GRM8: variants seen among roughly 807,000 people sequenced by gnomAD.
GRM8 encodes metabotropic glutamate receptor 8.
Under a neutral mutation model 87.2 loss-of-function variants are expected in GRM8, and 47 were observed. The observed-to-expected ratio is 0.54, with a 90% CI of 0.43 to 0.69. The LOEUF is 0.69. Among genes scored for constraint, GRM8 ranks in the 30% least tolerant of loss-of-function variants. GRM8 has a pLI of 0.00. For missense variants in GRM8, 1,019 were observed against 1,139.2 expected, an observed-to-expected ratio of 0.89 and a Z score of 1.52; for synonymous variants, 396 against 404.5, an observed-to-expected ratio of 0.98 and a Z score of 0.25.
chr7:126,485,882 C>A (rs1401781543), intron 9 of GRM8, among the ~76,000 whole-genome samples: 1 of 151,916 alleles, frequency 6.6e-6, no homozygotes, highest in African/African-American at 2.4e-5. Flanking sequence ...TAATGATAAA[C>A]TAGAGATGAT....
At chr7:126,887,980 T>G (rs1800658967) in intron 6 of GRM8, among the ~76,000 whole-genome samples, 1 of 152,140 alleles carries the variant, frequency 6.6e-6, no homozygotes, top group East Asian at 1.9e-4. Context: ...AAGGAGGCTG[T>G]CCATGTATTG....
intron 7 of GRM8, among the ~76,000 whole-genome samples, chr7:126,700,581 T>C (rs1809817753): frequency 6.6e-6 from 1 of 152,142 alleles, no homozygotes; most frequent in Non-Finnish European, 1.5e-5. Context: ...TATTTTAAAG[T>C]TTAATATTTT....
intron 3 of GRM8, among the ~76,000 whole-genome samples, chr7:127,065,460 C>T (rs1025678365): frequency 6.6e-6 from 1 of 152,146 alleles, no homozygotes; most frequent in Non-Finnish European, 1.5e-5. Context: ...TACAACAAAC[C>T]CCATGACACT....
intron 3 of GRM8, among the ~76,000 whole-genome samples, chr7:127,076,464 C>T (rs1195104628): frequency 6.6e-6 from 1 of 152,180 alleles, no homozygotes; most frequent in Non-Finnish European, 1.5e-5. Context: ...CAGAGAGAGT[C>T]CCCAAGGCTG....
At chr7:127,191,569 C>T (rs1157653069) in intron 2 of GRM8, among the ~76,000 whole-genome samples, 1 of 152,142 alleles carries the variant, frequency 6.6e-6, no homozygotes, top group Non-Finnish European at 1.5e-5. Context: ...TGGACATTCT[C>T]TTCATTCAGT....
At chr7:127,119,215 G>C (rs191591317) in intron 2 of GRM8, among the ~76,000 whole-genome samples, 1 of 152,126 alleles carries the variant, frequency 6.6e-6, no homozygotes, top group African/African-American at 2.4e-5. Flanking sequence ...GGGGCCAGGC[G>C]TGGTGGCTCA....
chr7:126,465,905 A>G (rs958439383), intron 9 of GRM8, among the ~76,000 whole-genome samples: 1 of 151,968 alleles, frequency 6.6e-6, no homozygotes, highest in Admixed American at 6.6e-5. Flanking sequence ...AAATCCAGGA[A>G]GAAAACTTTT....
At chr7:127,159,276 T>C (rs562038734) in intron 2 of GRM8, among the ~76,000 whole-genome samples, 2 of 152,318 alleles carry the variant, frequency 1.3e-5, no homozygotes, top group East Asian at 3.9e-4. Context: ...CACTGTTTGA[T>C]AATAAGATGC....
chr7:126,484,383 A>T (rs1212421436), intron 9 of GRM8, among the ~76,000 whole-genome samples: 2 of 152,068 alleles, frequency 1.3e-5, no homozygotes, highest in African/African-American at 4.8e-5. Flanking sequence ...AAGCAAAAAA[A>T]CAACAAGACT....
chr7:126,726,638 T>C (rs1002196523), intron 7 of GRM8, among the ~76,000 whole-genome samples: 1 of 152,100 alleles, frequency 6.6e-6, no homozygotes, highest in African/African-American at 2.4e-5. Context: ...TTTCTACTAG[T>C]GAGACAGAGT....
In GRM8 at chr7:126,902,654, T is replaced by G; in HGVS notation, c.1044A>C (p.Arg348=). Residue 348 remains arginine, a synonymous_variant, in exon 6 of 11, where the codon CGA becomes CGC. Transcript: ENST00000339582. ...IDGFDRYFRS[R]TLANNRRNVW... is the part of the protein sequence containing the mutation. Reference sequence around the variant, plus strand: ...CATTTCTTCGATTATTGGCAAGAGTTCGGCTTCTAAAGTATCGATCAAATC... The same window carrying G: ...CATTTCTTCGATTATTGGCAAGAGTGCGGCTTCTAAAGTATCGATCAAATC... 23 of 1,607,370 alleles carry G rather than the reference T, an allele frequency of 1.4e-5. No individual in the cohort carries two copies. Among genetic ancestry groups the G allele is most frequent in the Non-Finnish European group, 2.0e-5 (23 of 1,176,936 alleles).
intron 3 of GRM8, among the ~76,000 whole-genome samples, chr7:126,925,062 A>T (rs146674086): frequency 6.6e-6 from 1 of 152,274 alleles, no homozygotes; most frequent in East Asian, 1.9e-4. Context: ...GACAGAAGAG[A>T]GCAAGACCTC....
At chr7:126,630,511 G>T (rs372796416) in intron 7 of GRM8, among the ~76,000 whole-genome samples, 4 of 152,180 alleles carry the variant, frequency 2.6e-5, no homozygotes, top group South Asian at 4.1e-4. Context: ...GAAAAGGTTG[G>T]ATTCCTCTCT....
chr7:126,852,774 A>G (rs1264111735), intron 6 of GRM8, among the ~76,000 whole-genome samples: 2 of 152,004 alleles, frequency 1.3e-5, no homozygotes, highest in African/African-American at 4.8e-5. Context: ...TGTGTTATAT[A>G]CTTTCATATA....
intron 2 of GRM8, among the ~76,000 whole-genome samples, chr7:127,212,232 G>C (rs1796252080): frequency 6.6e-6 from 1 of 152,146 alleles, no homozygotes; most frequent in African/African-American, 2.4e-5. Flanking sequence ...CAAGTGCCCT[G>C]CTTCGCTGTT....
rs141639764 is a variant in GRM8 at position 126,685,911 on chromosome 7, G to T, written c.1358-76413C>A. Among the ~76,000 whole-genome samples, 2 of 151,908 alleles carry T rather than the reference G, an allele frequency of 1.3e-5. No individual in the cohort carries two copies. The highest frequency in any genetic ancestry group is 1.3e-4 in the Admixed American group (2 of 15,266). Reference sequence around the variant, plus strand: ...TTCCCGCATACCAGAAGGTGAACTCGTAGCGCTTTTCCCTGGGCCCTCGTG... The same window carrying T: ...TTCCCGCATACCAGAAGGTGAACTCTTAGCGCTTTTCCCTGGGCCCTCGTG... On this transcript the variant is annotated intron_variant, in intron 7 of 10. Transcript: ENST00000339582. This position sits in a 1 kb window ranked among gnomAD's most constrained non-coding sequence, Gnocchi z 4.2.
chr7:126,532,765 ATATATATATATATATATATATATATAT>A (rs1269862110), intron 9 of GRM8, among the ~76,000 whole-genome samples, 160 bp downstream of exon 9: 2 of 1,694 alleles, frequency 1.2e-3, no homozygotes, highest in African/African-American at 0.01. Flanking sequence ...ACGGATGGAG[ATATATATATATATATATATATATATAT>A]ATATATATAT....
At chr7:126,992,414 T>C (rs1204112183) in intron 3 of GRM8, among the ~76,000 whole-genome samples, 1 of 152,170 alleles carries the variant, frequency 6.6e-6, no homozygotes, top group African/African-American at 2.4e-5. Context: ...TGAGCAAGAT[T>C]GCAGGATACA....
chr7:126,446,051 G>A, intron 10 of GRM8, 75 bp downstream of exon 10: 1 of 1,561,088 alleles, frequency 6.4e-7, no homozygotes, highest in Non-Finnish European at 8.8e-7. Flanking sequence ...CCAAGACTAG[G>A]AGAAGAATGT....
Sources: allele counts gnomAD v4.1 joint callset (sites outside exome capture counted in the v4.1 genomes callset), GRCh38; gene constraint gnomAD v4.1.1; non-coding constraint Gnocchi (gnomAD v3.1); transcripts MANE v1.5; gene names NCBI Gene and HGNC (gene_info 2026-07-23, HGNC 2026-07-21).